Variants in GPR39 observed in about 807,000 individuals in gnomAD.
The protein encoded by GPR39 is zinc sensing receptor.
In GPR39, 23 loss-of-function variants were observed where a neutral mutation model predicts 18.4. That is an observed-to-expected ratio of 1.25 (90% CI 0.90 to 1.77). The LOEUF is 1.77. GPR39 is among the 40% of genes most tolerant of loss of function. The pLI, the probability that GPR39 is intolerant of heterozygous loss-of-function variation, is 0.00. For missense variants in GPR39, 647 were observed against 602.4 expected (o/e 1.07, Z -0.78); for synonymous variants, 280 against 257.9 (o/e 1.09, Z -0.82).
At chr2:132,560,801 C>T (rs1573667724) in intron 1 of GPR39, among the ~76,000 whole-genome samples, 1 of 152,336 alleles carries the variant, frequency 6.6e-6, no homozygotes, top group East Asian at 1.9e-4. Context: ...AAGTGAGCCA[C>T]TCTTTCTATG....
chr2:132,485,366 T>C (rs1348226687), intron 1 of GPR39, among the ~76,000 whole-genome samples: 4 of 152,196 alleles, frequency 2.6e-5, no homozygotes, highest in Non-Finnish European at 5.9e-5. Flanking sequence ...GTTAGGGTAG[T>C]TGTGACAATT....
intron 1 of GPR39, among the ~76,000 whole-genome samples, chr2:132,524,702 A>C (rs939379767): frequency 6.6e-5 from 10 of 152,184 alleles, no homozygotes; most frequent in African/African-American, 2.4e-4. Context: ...TCTATCCTGA[A>C]ACACCACAGC....
At chr2:132,512,384 A>AGG in intron 1 of GPR39, among the ~76,000 whole-genome samples, 1 of 152,196 alleles carries the variant, frequency 6.6e-6, no homozygotes, top group African/African-American at 2.4e-5. Context: ...GAAAAGGATA[A>AGG]GGGGGGGTAC....
chr2:132,422,057 T>C (rs1022970536), intron 1 of GPR39, among the ~76,000 whole-genome samples: 3 of 152,240 alleles, frequency 2.0e-5, no homozygotes, highest in Non-Finnish European at 4.4e-5. Context: ...TTAATTCTTA[T>C]AATGATTATT....
intron 1 of GPR39, among the ~76,000 whole-genome samples, chr2:132,610,174 C>T (rs1681215612): frequency 6.6e-6 from 1 of 152,112 alleles, no homozygotes; most frequent in Non-Finnish European, 1.5e-5. Context: ...GGTCACAGAT[C>T]CTCTATCAAG....
chr2:132,625,721 A>T (rs1424236326), intron 1 of GPR39, among the ~76,000 whole-genome samples: 1 of 152,042 alleles, frequency 6.6e-6, no homozygotes, highest in East Asian at 1.9e-4. Flanking sequence ...CTGATTCAGC[A>T]CTCTGTTTTC....
chr2:132,480,053 C>T (rs983678436), intron 1 of GPR39, among the ~76,000 whole-genome samples: 13 of 152,086 alleles, frequency 8.5e-5, no homozygotes, highest in African/African-American at 3.1e-4. Flanking sequence ...ATGGTATATA[C>T]GTGTAGTGGA....
intron 1 of GPR39, among the ~76,000 whole-genome samples, chr2:132,471,075 A>G (rs547466866): frequency 5.9e-5 from 9 of 152,170 alleles, no homozygotes; most frequent in Non-Finnish European, 1.2e-4. Context: ...CTAATGTGTT[A>G]CTGAGCACTG....
At position 132,624,344 on chromosome 2, in the gene GPR39, A is replaced by G. The variant is rs115296187; in HGVS notation, c.857-20757A>G. ...ACTGTAATTGCCTCGTTAAGACCCTATCTCCAAATACAGTAACAATTAGAT... is the reference window on the plus strand; with the variant it reads ...ACTGTAATTGCCTCGTTAAGACCCTGTCTCCAAATACAGTAACAATTAGAT... On this transcript the variant is annotated intron_variant, in intron 1 of 1. Transcript: ENST00000329321. Among the ~76,000 whole-genome samples, 164 of 152,322 alleles carry G rather than the reference A, an allele frequency of 1.1e-3. 1 individual carries two copies. The highest frequency in any genetic ancestry group is 3.7e-3 in the African/African-American group (152 of 41,568).
intron 1 of GPR39, among the ~76,000 whole-genome samples, chr2:132,439,862 T>G (rs142452485): frequency 3.4e-4 from 52 of 152,296 alleles, no homozygotes; most frequent in Admixed American, 5.2e-4. Context: ...TTTAAAGAAT[T>G]TGAACACCGC....
intron 1 of GPR39, among the ~76,000 whole-genome samples, chr2:132,495,964 T>C (rs1018963534): frequency 7.2e-5 from 11 of 152,144 alleles, no homozygotes; most frequent in Admixed American, 2.0e-4. Flanking sequence ...GAGTTACTCA[T>C]TACTGTCTTT....
chr2:132,531,541 C>T (rs1679631163), intron 1 of GPR39, among the ~76,000 whole-genome samples: 1 of 152,240 alleles, frequency 6.6e-6, no homozygotes, highest in Non-Finnish European at 1.5e-5. Context: ...CCCAAATCAA[C>T]AGAATCTACA....
intron 1 of GPR39, among the ~76,000 whole-genome samples, chr2:132,430,242 A>T (rs931279664): frequency 2.6e-5 from 4 of 152,094 alleles, no homozygotes; most frequent in African/African-American, 9.7e-5. Context: ...AAAATGCCCT[A>T]CTCCAGTCTA....
chr2:132,633,504 T>A (rs1681690162), intron 1 of GPR39, among the ~76,000 whole-genome samples: 1 of 152,084 alleles, frequency 6.6e-6, no homozygotes, highest in East Asian at 1.9e-4. Flanking sequence ...AATAGAAGAA[T>A]AACCCTGAGA....
chr2:132,450,189 A>G (rs931981494), intron 1 of GPR39, among the ~76,000 whole-genome samples: 10 of 152,200 alleles, frequency 6.6e-5, no homozygotes, highest in African/African-American at 2.2e-4. Flanking sequence ...AAGTGCTGGA[A>G]TCAAAACTAC....
rs1682031118 is a variant in GPR39 at position 132,645,695 on chromosome 2, A to T, written c.*89A>T. ...CTCTGCAGTCTCAAACTATGCCCCC[A>T]TCAGGGATGGAATGGACACTGGAGG... On this transcript the variant is annotated 3_prime_UTR_variant, in exon 2 of 2. Coordinates refer to ENST00000329321, the MANE Select transcript of GPR39 (RefSeq NM_001508.3). 1 of 1,501,974 alleles carries T rather than the reference A, an allele frequency of 6.7e-7. No homozygotes were observed. Among genetic ancestry groups the T allele is most frequent in the Non-Finnish European group, 8.9e-7 (1 of 1,120,666 alleles). 93.0% of individuals were successfully genotyped at this position (1,501,974 alleles called of 1,614,324 possible).
intron 1 of GPR39, among the ~76,000 whole-genome samples, chr2:132,532,973 G>C (rs3109159): frequency 6.6e-6 from 1 of 151,794 alleles, no homozygotes; most frequent in Non-Finnish European, 1.5e-5. Flanking sequence ...CCTATTCAAC[G>C]TAGTGTTGGA....
At chr2:132,518,985 T>A (rs530117099) in intron 1 of GPR39, among the ~76,000 whole-genome samples, 1 of 152,240 alleles carries the variant, frequency 6.6e-6, no homozygotes, top group Non-Finnish European at 1.5e-5. Flanking sequence ...TCTTCATTCA[T>A]AACAAAGCTG....
chr2:132,603,410 A>T (rs113020840), intron 1 of GPR39, among the ~76,000 whole-genome samples: 27 of 152,254 alleles, frequency 1.8e-4, no homozygotes, highest in Middle Eastern at 3.4e-3. Context: ...TGGCTAATGG[A>T]TACAAAATTA....
Sources: gnomAD v4.1 joint callset for allele counts (sites outside exome capture counted in the v4.1 genomes callset) on GRCh38, gnomAD v4.1.1 for gene constraint, MANE v1.5 for transcripts, NCBI Gene and HGNC (gene_info 2026-07-23, HGNC 2026-07-21) for gene names.